The following TRABD variants were observed in gnomAD, a reference collection of about 807,000 sequenced individuals.
TRABD encodes TraB domain containing.
A neutral mutation model predicts 39.6 loss-of-function variants in TRABD; 23 were observed. The observed-to-expected ratio is 0.58, with a 90% CI of 0.42 to 0.82. TRABD has a LOEUF of 0.82. TRABD is among the 40% of genes least tolerant of loss of function. The pLI, the probability that TRABD is intolerant of heterozygous loss-of-function variation, is 0.00. For synonymous variants in TRABD, 243 were observed against 232.1 expected (o/e 1.05, Z -0.43); for missense variants, 487 against 544.9 (o/e 0.89, Z 1.06).
At chr22:50,197,720 C>G (rs2064167059) in intron 7 of TRABD, 103 bp from the exon 8 acceptor site, 1 of 1,572,284 alleles carries the variant, frequency 6.4e-7, no homozygotes, top group African/African-American at 1.4e-5. Flanking sequence ...GCCACAAATC[C>G]CAAACAAACG....
rs2064249712 is a variant in TRABD, at chr22:50,199,538, TC to T, written c.*1021del. 1 of 171,538 alleles carries T rather than the reference TC, an allele frequency of 5.8e-6. No individual in the cohort carries two copies. Among genetic ancestry groups the T allele is most frequent in the African/African-American group, 2.4e-5 (1 of 42,292 alleles). 10.6% of individuals were successfully genotyped at this position (171,538 alleles called of 1,614,324 possible). ...GTGCGTCAGGAGCCGGCTGTGTCCT[TC>T]CTGCCACACTCGGGGATTCATTCCT... is the stretch of plus-strand genomic sequence containing the variant. On this transcript the variant is annotated 3_prime_UTR_variant, in exon 10 of 10. Coordinates refer to ENST00000380909, the MANE Select transcript of TRABD (RefSeq NM_001320485.2).
chr22:50,199,381 C>G lies in TRABD; in HGVS notation c.*862C>G, dbSNP rs558581391. 2.9e-3 allele frequency: 1,157 copies of G among 396,546 alleles called. 8 individuals carry two copies. Among genetic ancestry groups the G allele is most frequent in the Middle Eastern group, 8.8e-3 (13 of 1,470 alleles). 24.6% of individuals were successfully genotyped at this position (396,546 alleles called of 1,614,324 possible). ...GTGGCCAGGCCTGTCCCGCTCAGGC[C>G]CCCTGCCCGGCGGCCGTCTGTGTGC... On this transcript the variant is annotated 3_prime_UTR_variant, in exon 10 of 10. Coordinates refer to ENST00000380909, the MANE Select transcript of TRABD (RefSeq NM_001320485.2).
chr22:50,197,107 G>T, intron 5 of TRABD, 134 bp from the exon 6 acceptor site: 2 of 861,870 alleles, frequency 2.3e-6, no homozygotes, highest in South Asian at 1.6e-5. Flanking sequence ...ACCTGTCGGG[G>T]AGGGGGCCAA....
In TRABD at chr22:50,198,541, G is replaced by C; in HGVS notation, c.*22G>C. ...GTAGGAGACTGCTCCCCGCCCGCTC[G>C]GGCCCCTGAGGAGCCAGTGCCCCCG... On this transcript the variant is annotated 3_prime_UTR_variant, in exon 10 of 10. Coordinates refer to ENST00000380909, the MANE Select transcript of TRABD (RefSeq NM_001320485.2). The surrounding 1 kb of genome is among the most constrained non-coding windows in gnomAD (Gnocchi z 7.9). 6.7e-7 allele frequency: 1 copy of C among 1,495,396 alleles called. No individual in the cohort carries two copies. Among genetic ancestry groups the C allele is most frequent in the Non-Finnish European group, 8.9e-7 (1 of 1,127,126 alleles). The allele number at this position is 1,495,396 out of a possible 1,614,324, so 92.6% of individuals were successfully genotyped here.
At position 50,198,327 on chromosome 22, in the gene TRABD, G is replaced by A. The variant is rs368181135; in HGVS notation, c.957-18G>A. On this transcript the variant is annotated intron_variant, in intron 9 of 9. Coordinates refer to ENST00000380909, the MANE Select transcript of TRABD (RefSeq NM_001320485.2). The surrounding 1 kb of genome is among the most constrained non-coding windows in gnomAD (Gnocchi z 7.9). ...GAGCCCACCCCCAGCCAGGCCCAGC[G>A]CCCCCTCCCTCCCACAGCGTGCCCC... The A allele has an allele frequency of 3.2e-5, 50 of 1,544,852 alleles. No individual in the cohort carries two copies. The highest frequency in any genetic ancestry group is 2.3e-4 in the East Asian group (10 of 43,528).
At chr22:50,195,148 G>A in intron 5 of TRABD, 108 bp downstream of exon 5, 1 of 1,389,114 alleles carries the variant, frequency 7.2e-7, no homozygotes, top group Non-Finnish European at 9.5e-7. Flanking sequence ...GTGTGGCTGT[G>A]CCTGGCCTGC....
Position 50,197,479 on chromosome 22 carries a change from C to G in TRABD, c.562C>G (p.Leu188Val), listed in dbSNP as rs771302304. Residue 188 changes from leucine (L) to valine (V), a missense_variant, in exon 7 of 10, where the codon CTG (leucine) becomes GTG (valine). By Grantham distance (32) the Leu-to-Val change is conservative. Coordinates refer to ENST00000380909, the MANE Select transcript of TRABD (RefSeq NM_001320485.2). Reference sequence around the variant, plus strand: ...CAAGGTGCCTTTCTGCAAGTTCCACCTGGGTGACCGACCCATCCCCGTCAC... The same window carrying G: ...CAAGGTGCCTTTCTGCAAGTTCCACGTGGGTGACCGACCCATCCCCGTCAC... ...ASKVPFCKFH[L>V]GDRPIPVTFK... 1 of 1,613,876 alleles carries G rather than the reference C, an allele frequency of 6.2e-7. No homozygotes were observed. The highest frequency in any genetic ancestry group is 1.7e-5 in the Admixed American group (1 of 60,024).
chr22:50,194,786 TG>T, intron 4 of TRABD, 113 bp from the exon 5 acceptor site: 1 of 1,477,936 alleles, frequency 6.8e-7, no homozygotes, highest in Non-Finnish European at 9.1e-7. Flanking sequence ...TAGCTAGCCC[TG>T]GGGTGACGCC....
intron 7 of TRABD, 59 bp from the exon 8 acceptor site, chr22:50,197,764 G>GCCCCCCCCCCCCCCCCCCGTT: frequency 7.8e-7 from 1 of 1,284,796 alleles, no homozygotes; most frequent in Admixed American, 1.7e-5. Flanking sequence ...CACAGTGCCA[G>GCCCCCCCCCCCCCCCCCCGTT]CCCCACCCCC....
intron 4 of TRABD, 26 bp downstream of exon 4, chr22:50,194,532 CGG>C (rs1569085242): frequency 6.4e-7 from 1 of 1,562,544 alleles, no homozygotes; most frequent in Non-Finnish European, 8.7e-7. Context: ...CGCCACATCC[CGG>C]ACACGGGTTG....
chr22:50,186,056 C>T (rs1215838866), intron 1 of TRABD, 80 bp downstream of exon 1: 1 of 53,534 alleles, frequency 1.9e-5, no homozygotes, highest in East Asian at 6.6e-4. Flanking sequence ...GTCAGGGCCG[C>T]GGGGTGACTG....
intron 1 of TRABD, among the ~76,000 whole-genome samples, chr22:50,186,345 G>T (rs2063756718): frequency 6.7e-6 from 1 of 150,168 alleles, no homozygotes; most frequent in Non-Finnish European, 1.5e-5. Context: ...TCAGGTTTTG[G>T]AGCCGGGGGA....
chr22:50,198,274 G>C lies in TRABD; in HGVS notation c.957-71G>C. ...CTGGAGGCCAACCACATGCGGCAGT[G>C]ACCCAGGCATGGGGGCTGGGGTATG... On this transcript the variant is annotated intron_variant, in intron 9 of 9. Coordinates refer to ENST00000380909, the MANE Select transcript of TRABD (RefSeq NM_001320485.2). This position sits in a 1 kb window ranked among gnomAD's most constrained non-coding sequence, Gnocchi z 7.9. The C allele has an allele frequency of 6.6e-7, 1 of 1,520,394 alleles. No individual in the cohort carries two copies. The highest frequency in any genetic ancestry group is 8.9e-7 in the Non-Finnish European group (1 of 1,118,882). 94.2% of individuals were successfully genotyped at this position (1,520,394 alleles called of 1,614,324 possible). A position where few individuals can be genotyped will look rare whatever the true frequency, so the allele number is the denominator to read the frequency against.
chr22:50,195,930 AAAG>A (rs2064086890), intron 5 of TRABD, among the ~76,000 whole-genome samples: 1 of 152,200 alleles, frequency 6.6e-6, no homozygotes, highest in Admixed American at 6.5e-5. Context: ...GCAAGTCACC[AAAG>A]AAGACCTCTG....
rs760832829 is a variant in TRABD, at chr22:50,198,339, C to A, written c.957-6C>A. On this transcript the variant is annotated splice_polypyrimidine_tract_variant and splice_region_variant and intron_variant, in intron 9 of 9. Transcript: ENST00000380909. The surrounding 1 kb of genome is among the most constrained non-coding windows in gnomAD (Gnocchi z 7.9). ...AGCCAGGCCCAGCGCCCCCTCCCTC[C>A]CACAGCGTGCCCCCGCCGTCCGTCT... The A allele has an allele frequency of 1.9e-6, 3 of 1,562,364 alleles. No homozygotes were observed. Among genetic ancestry groups the A allele is most frequent in the Non-Finnish European group, 2.6e-6 (3 of 1,157,344 alleles).
intron 1 of TRABD, among the ~76,000 whole-genome samples, chr22:50,186,624 G>A (rs1157977776): frequency 1.3e-5 from 2 of 152,186 alleles, no homozygotes; most frequent in African/African-American, 4.8e-5. Context: ...CAGGCCTGCG[G>A]GTCTCTGGGG....
chr22:50,186,874 A>G (rs1278727551), intron 1 of TRABD, among the ~76,000 whole-genome samples: 1 of 152,264 alleles, frequency 6.6e-6, no homozygotes, highest in Non-Finnish European at 1.5e-5. Context: ...TCTTACAAGA[A>G]AGATGGAGTG....
At chr22:50,189,495 G>A (rs1602425837) in intron 1 of TRABD, among the ~76,000 whole-genome samples, 6 of 152,358 alleles carry the variant, frequency 3.9e-5, no homozygotes, top group African/African-American at 1.4e-4. Context: ...AGGCTGCACC[G>A]CTTCCCAGCG....
chr22:50,193,050 GC>G lies in TRABD; in HGVS notation c.-9del. 1 of 1,544,950 alleles carries G rather than the reference GC, an allele frequency of 6.5e-7. No homozygotes were observed. On this transcript the variant is annotated 5_prime_UTR_variant, in exon 2 of 10. Coordinates refer to ENST00000380909, the MANE Select transcript of TRABD (RefSeq NM_001320485.2). ...AGGCTCCCCACAGGTGCAGGAAGCC[GC>G]CGCCCAGCCATGGACGGGGAGGAGC...
Sources: allele counts gnomAD v4.1 joint callset (sites outside exome capture counted in the v4.1 genomes callset), GRCh38; gene constraint gnomAD v4.1.1; non-coding constraint Gnocchi (gnomAD v3.1); transcripts MANE v1.5; gene names NCBI Gene and HGNC (gene_info 2026-07-23, HGNC 2026-07-21).